The following MGST1 variants were observed in gnomAD, a reference collection of about 807,000 sequenced individuals.
The protein encoded by MGST1 is glutathione S-transferase 12.
A neutral mutation model predicts 8.9 loss-of-function variants in MGST1; 5 were observed. That is an observed-to-expected ratio of 0.56 (90% CI 0.29 to 1.19). MGST1 has a LOEUF of 1.19. Among genes scored for constraint, MGST1 ranks in the 50% most tolerant of loss-of-function variants. MGST1 has a pLI of 0.08. For missense variants in MGST1, 182 were observed against 187.4 expected (o/e 0.97, Z 0.17); for synonymous variants, 54 against 67.8 (o/e 0.80, Z 1.00).
chr12:16,508,954 T>C (rs934494515), intron 4 of MGST1, among the ~76,000 whole-genome samples: 1 of 152,164 alleles, frequency 6.6e-6, no homozygotes, highest in African/African-American at 2.4e-5. Context: ...ACAGTACCCT[T>C]TGCCAGCAGT....
intron 4 of MGST1, among the ~76,000 whole-genome samples, chr12:16,533,568 T>G (rs897708072): frequency 1.3e-5 from 2 of 152,204 alleles, no homozygotes; most frequent in African/African-American, 4.8e-5. Flanking sequence ...CATAAATTAC[T>G]TATCTGGAGA....
chr12:16,493,551 A>G (rs1401008200), intron 4 of MGST1, among the ~76,000 whole-genome samples: 1 of 152,192 alleles, frequency 6.6e-6, no homozygotes, highest in African/African-American at 2.4e-5. Context: ...TCAATTGGCC[A>G]AGTCCTGATA....
chr12:16,367,154 G>GTGT (rs756131876), downstream of MGST1, among the ~76,000 whole-genome samples: 3 of 152,156 alleles, frequency 2.0e-5, no homozygotes, highest in Non-Finnish European at 4.4e-5. Context: ...CTGGAGGCAG[G>GTGT]TGTTGGTCTA....
intron 1 of MGST1, among the ~76,000 whole-genome samples, chr12:16,404,586 A>C (rs1413928742): frequency 6.6e-6 from 1 of 152,136 alleles, no homozygotes; most frequent in East Asian, 1.9e-4. Context: ...CTACAGGCAC[A>C]CTTAACTAAT....
chr12:16,542,008 A>G (rs1941796097), intron 4 of MGST1, among the ~76,000 whole-genome samples: 2 of 152,102 alleles, frequency 1.3e-5, no homozygotes, highest in South Asian at 4.2e-4. Context: ...GTGGCCCCCA[A>G]ATCATCAGTG....
In MGST1 at chr12:16,456,721, A is replaced by G. The variant is rs190921939; in HGVS notation, n.482+73117A>G. On this transcript the variant is annotated intron_variant and non_coding_transcript_variant, in intron 4 of 4. Coordinates refer to the MGST1 transcript ENST00000538857. ...ACCTCCCCTACGTACTCCTTAGTTT[A>G]TATTCTCTAACTCATAAAAAGCACC... 2.6e-5 allele frequency among the ~76,000 whole-genome samples: 4 copies of G among 152,048 alleles called. No homozygotes were observed. The South Asian group carries it at 6.2e-4, about 24-fold the overall frequency.
chr12:16,525,434 T>G lies in MGST1; in HGVS notation n.483-64094T>G, dbSNP rs867666530. On this transcript the variant is annotated intron_variant and non_coding_transcript_variant, in intron 4 of 4. Transcript: ENST00000538857. ...TTGCGATAGTTTACTGAGAATGATGTTTTCCAGTTTCATCCATGTCCCTAC... is the reference window on the plus strand; with the variant it reads ...TTGCGATAGTTTACTGAGAATGATGGTTTCCAGTTTCATCCATGTCCCTAC... Among the ~76,000 whole-genome samples the G allele has an allele frequency of 1.7e-3, 256 of 151,666 alleles. 1 individual carries two copies. Among genetic ancestry groups the G allele is most frequent in the African/African-American group, 5.4e-3 (223 of 41,308 alleles).
At chr12:16,399,976 T>C (rs551109562) in intron 1 of MGST1, 2 of 1,394,062 alleles carry the variant, frequency 1.4e-6, no homozygotes, top group South Asian at 1.2e-5. Flanking sequence ...ACTAGTGGGC[T>C]GAAGGAGGCA....
At chr12:16,395,360 G>A (rs575340728) in intron 1 of MGST1, among the ~76,000 whole-genome samples, 71 of 152,112 alleles carry the variant, frequency 4.7e-4, no homozygotes, top group African/African-American at 1.4e-3. Flanking sequence ...TGATCTATGC[G>A]TTAACCCAGC....
downstream of MGST1, among the ~76,000 whole-genome samples, chr12:16,592,591 G>T (rs1469135361): frequency 6.6e-6 from 1 of 151,854 alleles, no homozygotes; most frequent in Non-Finnish European, 1.5e-5. Flanking sequence ...TACCCACCCA[G>T]GTAAAGGAAC....
chr12:16,415,282 A>G (rs1424691640), intron 1 of MGST1, among the ~76,000 whole-genome samples: 1 of 152,158 alleles, frequency 6.6e-6, no homozygotes, highest in African/African-American at 2.4e-5. Flanking sequence ...ACAATGCCTT[A>G]ATTTCCATAG....
At chr12:16,510,796 TAGTC>T (rs758491262) in intron 4 of MGST1, among the ~76,000 whole-genome samples, 8 of 152,200 alleles carry the variant, frequency 5.3e-5, no homozygotes, top group African/African-American at 1.2e-4. Context: ...AAGGATGACT[TAGTC>T]AGGAAAGTTA....
chr12:16,499,312 G>A (rs1231316969), intron 4 of MGST1, among the ~76,000 whole-genome samples: 1 of 152,014 alleles, frequency 6.6e-6, no homozygotes, highest in Non-Finnish European at 1.5e-5. Flanking sequence ...TTTCCTTATC[G>A]TTTTCTCTAT....
rs1940732969 is a variant in MGST1, at chr12:16,410,468, CT to C, written n.778+26865del. Among the ~76,000 whole-genome samples, 1 of 151,704 alleles carries C rather than the reference CT, an allele frequency of 6.6e-6. No individual in the cohort carries two copies. Among genetic ancestry groups the C allele is most frequent in the Non-Finnish European group, 1.5e-5 (1 of 67,968 alleles). On this transcript the variant is annotated intron_variant and non_coding_transcript_variant, in intron 1 of 1. Transcript: ENST00000359720. The surrounding 1 kb of genome is among the most constrained non-coding windows in gnomAD (Gnocchi z 4.4). The stretch of plus-strand genomic sequence containing the variant: ...ATCTGCAAATATGATGCACTCAGTT[CT>C]ATAGACGCTAGTCAGATTTGTAAAA...
rs953133826 is a variant in MGST1 at position 16,497,918 on chromosome 12, T to A, written n.483-91610T>A. Among the ~76,000 whole-genome samples the A allele has an allele frequency of 6.6e-6, 1 of 152,164 alleles. No homozygotes were observed. Among genetic ancestry groups the A allele is most frequent in the African/African-American group, 2.4e-5 (1 of 41,444 alleles). ...CTACCAGTTCTAGTCTAGATGATAG[T>A]CTTTGTAATCACATTTTATGGAATA... On this transcript the variant is annotated intron_variant and non_coding_transcript_variant, in intron 4 of 4. Transcript: ENST00000538857. This position sits in a 1 kb window ranked among gnomAD's most constrained non-coding sequence, Gnocchi z 4.4.
intron 1 of MGST1, among the ~76,000 whole-genome samples, chr12:16,416,750 G>A (rs1398270086): frequency 1.3e-5 from 2 of 152,124 alleles, no homozygotes; most frequent in Non-Finnish European, 2.9e-5. Flanking sequence ...AATGGCTGAG[G>A]GTGTATATGT....
intron 4 of MGST1, among the ~76,000 whole-genome samples, chr12:16,476,015 A>G (rs1316722697): frequency 6.6e-6 from 1 of 152,140 alleles, no homozygotes; most frequent in African/African-American, 2.4e-5. Context: ...TAGCTTCCTC[A>G]GTTTCCATTT....
intron 4 of MGST1, among the ~76,000 whole-genome samples, chr12:16,502,404 A>G (rs1332829478): frequency 6.6e-6 from 1 of 152,192 alleles, no homozygotes. Context: ...AATTCACCTC[A>G]AAGATTTTTT....
intron 4 of MGST1, among the ~76,000 whole-genome samples, chr12:16,575,643 C>T (rs976588185): frequency 6.6e-6 from 1 of 152,038 alleles, no homozygotes; most frequent in African/African-American, 2.4e-5. Context: ...GTAATACACC[C>T]AGCGTCACAT....
Sources: allele counts gnomAD v4.1 joint callset (sites outside exome capture counted in the v4.1 genomes callset), GRCh38; gene constraint gnomAD v4.1.1; non-coding constraint Gnocchi (gnomAD v3.1); transcripts MANE v1.5; gene names NCBI Gene and HGNC (gene_info 2026-07-23, HGNC 2026-07-21).